The following ZNF704 variants were observed in gnomAD, a reference collection of about 807,000 sequenced individuals.
ZNF704 encodes glucocorticoid induced gene 1.
In ZNF704, 10 loss-of-function variants were observed where a neutral mutation model predicts 44.7. The ratio of observed to expected loss-of-function variants is 0.22; its 90% CI spans 0.14 to 0.38. ZNF704 has a LOEUF of 0.38. Among genes scored for constraint, ZNF704 ranks in the 10% least tolerant of loss-of-function variants. ZNF704 has a pLI of 1.00. For synonymous variants in ZNF704, 211 were observed against 207.6 expected, an observed-to-expected ratio of 1.02 and a Z score of -0.14; for missense variants, 390 against 545.5, an observed-to-expected ratio of 0.71 and a Z score of 2.84.
chr8:80,882,447 C>T, the ZNF704 span, among the ~76,000 whole-genome samples: 1 of 152,046 alleles, frequency 6.6e-6, no homozygotes, highest in Admixed American at 6.5e-5. Flanking sequence ...TTGCCCATAA[C>T]CCTGATAGAA....
At chr8:80,873,503 G>A (rs1240545724) in intron 1 of ZNF704, 1 of 151,544 alleles carries the variant, frequency 6.6e-6, no homozygotes, top group African/African-American at 2.4e-5. Context: ...CCCCTCCCCG[G>A]GCTGGCGGGT....
intron 2 of ZNF704, among the ~76,000 whole-genome samples, chr8:80,707,242 C>T (rs979172936): frequency 6.6e-6 from 1 of 152,132 alleles, no homozygotes; most frequent in Admixed American, 6.5e-5. Context: ...TAATTTAAGA[C>T]AAACATGTAA....
intron 2 of ZNF704, among the ~76,000 whole-genome samples, chr8:80,791,706 T>C (rs1807711333): frequency 6.6e-6 from 1 of 150,436 alleles, no homozygotes; most frequent in Non-Finnish European, 1.5e-5. Context: ...TACAGTTATC[T>C]GGGCTGAAAA....
At chr8:80,710,773 T>C (rs1284502424) in intron 2 of ZNF704, among the ~76,000 whole-genome samples, 1 of 152,198 alleles carries the variant, frequency 6.6e-6, no homozygotes, top group Non-Finnish European at 1.5e-5. Flanking sequence ...TCTAGAACTG[T>C]GAGAAATAAA....
chr8:80,707,053 A>T (rs1818910255), intron 2 of ZNF704, among the ~76,000 whole-genome samples: 1 of 152,210 alleles, frequency 6.6e-6, no homozygotes, highest in Non-Finnish European at 1.5e-5. Context: ...ACACGTATAC[A>T]CTATTTTAAA....
At chr8:80,866,198 A>T (rs1809151818) in intron 1 of ZNF704, among the ~76,000 whole-genome samples, 1 of 152,152 alleles carries the variant, frequency 6.6e-6, no homozygotes, top group Non-Finnish European at 1.5e-5. Context: ...TTACATCTCA[A>T]ATTGTGGTAG....
At chr8:80,820,579 T>A (rs941308909) in intron 2 of ZNF704, among the ~76,000 whole-genome samples, 2 of 152,124 alleles carry the variant, frequency 1.3e-5, no homozygotes, top group Non-Finnish European at 2.9e-5. Flanking sequence ...GTGCTCTGTG[T>A]CGCCTATTCT....
At chr8:80,867,446 G>A (rs1038568812) in intron 1 of ZNF704, among the ~76,000 whole-genome samples, 2 of 152,032 alleles carry the variant, frequency 1.3e-5, no homozygotes, top group Admixed American at 1.3e-4. Flanking sequence ...AATTGGGGTT[G>A]GCAGACCAGG....
intron 1 of ZNF704, among the ~76,000 whole-genome samples, chr8:80,861,990 CCTTT>C (rs1478918943): frequency 1.5e-5 from 2 of 135,894 alleles, no homozygotes; most frequent in African/African-American, 5.8e-5. Context: ...AAAAAAATAA[CCTTT>C]TTTTTTTTTT....
At position 80,641,393 on chromosome 8, in the gene ZNF704, C is replaced by T; in HGVS notation, c.1212G>A (p.Lys404=). The change falls in exon 9 of 9, where the codon AAG becomes AAA. Residue 404 remains lysine (K), a synonymous_variant. Transcript: ENST00000327835. ...AGTCGAGGAACCTCTGGCAGGCCTT[C>T]TTCCAGCGGCAGGCGGTACACCACA... ...RDMWCTACRW[K]KACQRFLD 1 of 1,613,584 alleles carries T rather than the reference C, an allele frequency of 6.2e-7. No homozygotes were observed. The highest frequency in any genetic ancestry group is 8.5e-7 in the Non-Finnish European group (1 of 1,179,780).
At chr8:80,851,738 A>T (rs920231169) in intron 1 of ZNF704, among the ~76,000 whole-genome samples, 3 of 152,196 alleles carry the variant, frequency 2.0e-5, no homozygotes, top group Non-Finnish European at 4.4e-5. Context: ...AATAAAATTT[A>T]AAAAAAGAAA....
At chr8:80,654,478 T>G (rs1225305062) in intron 7 of ZNF704, among the ~76,000 whole-genome samples, 23 of 151,934 alleles carry the variant, frequency 1.5e-4, no homozygotes. Context: ...TACAATGAAC[T>G]CCAACAAATT....
intron 2 of ZNF704, among the ~76,000 whole-genome samples, chr8:80,750,545 T>C (rs60607470): frequency 0.18 from 27,495 of 151,562 alleles, 5,150 homozygotes; most frequent in African/African-American, 0.48. Context: ...GAAGTTGTTT[T>C]GCTCTTGTTG....
rs1310112763 is a variant in ZNF704 at position 80,636,516 on chromosome 8, T to C, written c.*4850A>G. On this transcript the variant is annotated 3_prime_UTR_variant, in exon 9 of 9. Coordinates refer to ENST00000327835, the MANE Select transcript of ZNF704 (RefSeq NM_001033723.3). ...ACCTAAAAAAAGTGCTAATCTCATT[T>C]TATTTACTGACTTCAGGTTTGGCTA... The C allele has an allele frequency of 2.0e-5, 3 of 152,234 alleles. No individual in the cohort carries two copies. Among genetic ancestry groups the C allele is most frequent in the African/African-American group, 7.2e-5 (3 of 41,454 alleles). The allele number at this position is 152,234 out of a possible 1,614,324, so 9.4% of individuals were successfully genotyped here. A position where few individuals can be genotyped will look rare whatever the true frequency, so the allele number is the denominator to read the frequency against.
chr8:80,690,081 T>G (rs1314208593), intron 3 of ZNF704, among the ~76,000 whole-genome samples: 1 of 151,942 alleles, frequency 6.6e-6, no homozygotes, highest in African/African-American at 2.4e-5. Context: ...AAAGCCTTCA[T>G]TATAATAAAT....
intron 2 of ZNF704, among the ~76,000 whole-genome samples, chr8:80,808,217 G>T (rs758305647): frequency 1.3e-5 from 2 of 152,182 alleles, no homozygotes; most frequent in African/African-American, 2.4e-5. Context: ...CACTTTCCAA[G>T]AACTCTCTTG....
chr8:80,672,227 A>C (rs1818293216), intron 4 of ZNF704, among the ~76,000 whole-genome samples: 2 of 152,248 alleles, frequency 1.3e-5, no homozygotes, highest in South Asian at 4.1e-4. Context: ...ATACCATCTC[A>C]CACCAGTCAG....
intron 2 of ZNF704, among the ~76,000 whole-genome samples, chr8:80,697,269 G>A (rs1818741449): frequency 6.6e-6 from 1 of 152,120 alleles, no homozygotes; most frequent in South Asian, 2.1e-4. Flanking sequence ...GCGCATCCAT[G>A]GAACATTCAT....
At chr8:80,753,512 A>G (rs1174229058) in intron 2 of ZNF704, among the ~76,000 whole-genome samples, 1 of 152,034 alleles carries the variant, frequency 6.6e-6, no homozygotes, top group Non-Finnish European at 1.5e-5. Context: ...CCCAAACAAC[A>G]AAAGTTAAAT....
Sources: allele counts gnomAD v4.1 joint callset (sites outside exome capture counted in the v4.1 genomes callset), GRCh38; gene constraint gnomAD v4.1.1; transcripts MANE v1.5; gene names NCBI Gene and HGNC (gene_info 2026-07-23, HGNC 2026-07-21).